Variants in MPP7 observed in about 807,000 individuals in gnomAD.
MPP7 encodes MAGUK p55 subfamily member 7.
MPP7 carries 60 observed loss-of-function variants against 76.5 expected under a neutral mutation model. The observed-to-expected ratio is 0.78, with a 90% CI of 0.64 to 0.97. MPP7 has a LOEUF of 0.97. Ranked by LOEUF, MPP7 falls within the 50% of genes least tolerant of loss-of-function variation. The probability of loss-of-function intolerance (pLI) is 0.00; values close to 1 mark genes in which losing one functional copy is unlikely to be tolerated. For missense variants in MPP7, 641 were observed against 694.0 expected (o/e 0.92, Z 0.86); for synonymous variants, 237 against 244.5 (o/e 0.97, Z 0.29).
At chr10:28,214,166 A>G (rs1838235795) in intron 2 of MPP7, among the ~76,000 whole-genome samples, 1 of 152,222 alleles carries the variant, frequency 6.6e-6, no homozygotes, top group Admixed American at 6.5e-5. Flanking sequence ...TTATGTAATA[A>G]TCTGCTGTAA....
At chr10:28,228,540 C>T (rs530949912) in intron 2 of MPP7, among the ~76,000 whole-genome samples, 15 of 152,056 alleles carry the variant, frequency 9.9e-5, no homozygotes, top group Non-Finnish European at 1.8e-4. Context: ...CCAAGGTGGG[C>T]AAATCACCTG....
chr10:28,324,037 G>A (rs915626130), intron 2 of MPP7, among the ~76,000 whole-genome samples: 35 of 152,216 alleles, frequency 2.3e-4, no homozygotes, highest in African/African-American at 7.7e-4. Context: ...TTATTATGAG[G>A]ACTAAAATGA....
At chr10:28,308,437 A>C (rs1214385488) in intron 2 of MPP7, among the ~76,000 whole-genome samples, 1 of 152,238 alleles carries the variant, frequency 6.6e-6, no homozygotes, top group African/African-American at 2.4e-5. Context: ...GTCTCAAAGA[A>C]GCAGGAGTAA....
chr10:28,088,605 C>T (rs932695466), intron 12 of MPP7, among the ~76,000 whole-genome samples: 1 of 152,124 alleles, frequency 6.6e-6, no homozygotes, highest in South Asian at 2.1e-4. Flanking sequence ...TCATAAATTA[C>T]CCAGTCTCAG....
chr10:28,192,167 A>C (rs1388646532), intron 3 of MPP7, among the ~76,000 whole-genome samples: 2 of 152,210 alleles, frequency 1.3e-5, no homozygotes, highest in Admixed American at 6.5e-5. Context: ...AACTTGATGA[A>C]GAACATGTAT....
chr10:28,245,602 A>C (rs1217230596), intron 1 of MPP7, among the ~76,000 whole-genome samples: 1 of 152,144 alleles, frequency 6.6e-6, no homozygotes, highest in Non-Finnish European at 1.5e-5. Context: ...ATGAAATAAC[A>C]AAAGTAAAAC....
intron 5 of MPP7, among the ~76,000 whole-genome samples, chr10:28,146,152 A>C (rs58193497): frequency 0.037 from 5,678 of 152,330 alleles, 153 homozygotes; most frequent in Middle Eastern, 0.085. Context: ...AATCTTCAGA[A>C]CGTTCTGTGG....
chr10:28,224,157 C>T (rs1241874481), intron 2 of MPP7, among the ~76,000 whole-genome samples: 1 of 151,922 alleles, frequency 6.6e-6, no homozygotes, highest in African/African-American at 2.4e-5. Context: ...TGCACTCCAG[C>T]CTGGGCAATA....
intron 3 of MPP7, among the ~76,000 whole-genome samples, chr10:28,155,420 A>C (rs964713655): frequency 6.6e-6 from 1 of 151,858 alleles, no homozygotes; most frequent in African/African-American, 2.4e-5. Context: ...TGAAACCCCA[A>C]CTCTACAAAA....
chr10:28,091,062 G>A (rs751768878), intron 11 of MPP7, among the ~76,000 whole-genome samples: 4 of 152,070 alleles, frequency 2.6e-5, no homozygotes, highest in African/African-American at 4.8e-5. Context: ...CAGGAGAATC[G>A]CTTGAACTCA....
At chr10:28,306,945 G>C (rs1274510134), upstream of MPP7, among the ~76,000 whole-genome samples, 1 of 152,134 alleles carries the variant, frequency 6.6e-6, no homozygotes, top group African/African-American at 2.4e-5. Context: ...CTATGTCCCA[G>C]TGTCAGAGAA....
chr10:28,094,291 G>GAA lies in MPP7; in HGVS notation c.953-4451_953-4450insTT, dbSNP rs1368577531. On this transcript the variant is annotated intron_variant, in intron 11 of 16. Coordinates refer to ENST00000683449, the MANE Select transcript of MPP7 (RefSeq NM_001318170.2). ...TATTTTACAATGCAAAGGAGCAAAG[G>GAA]CAGTGAGGTCGCAACAGGGGTTCCA... 3.7e-3 allele frequency among the ~76,000 whole-genome samples: 569 copies of GAA among 152,222 alleles called. 1 individual carries two copies. Among genetic ancestry groups the GAA allele is most frequent in the African/African-American group, 0.013 (533 of 41,508 alleles).
chr10:28,297,887 T>C (rs1437868921), intron 1 of MPP7, among the ~76,000 whole-genome samples: 1 of 152,248 alleles, frequency 6.6e-6, no homozygotes, highest in Admixed American at 6.5e-5. Context: ...ATTTCAACAA[T>C]GCTCACAGCA....
At chr10:28,272,081 A>G (rs1283973817) in intron 1 of MPP7, among the ~76,000 whole-genome samples, 1 of 152,220 alleles carries the variant, frequency 6.6e-6, no homozygotes, top group Non-Finnish European at 1.5e-5. Flanking sequence ...AAGGTTCAAT[A>G]TTCTCCTCTG....
At chr10:28,140,345 C>A (rs1182149926) in intron 5 of MPP7, among the ~76,000 whole-genome samples, 1 of 152,066 alleles carries the variant, frequency 6.6e-6, no homozygotes, top group Non-Finnish European at 1.5e-5. Context: ...ACCCCAATCT[C>A]TACTAAAAAC....
chr10:28,138,572 T>G (rs1835418322), intron 5 of MPP7, among the ~76,000 whole-genome samples: 1 of 152,244 alleles, frequency 6.6e-6, no homozygotes, highest in Non-Finnish European at 1.5e-5. Context: ...CAATTCATTC[T>G]GGGTATAATC....
intron 16 of MPP7, 29 bp from the exon 17 acceptor site, chr10:28,054,273 TG>T: frequency 7.1e-7 from 1 of 1,414,910 alleles, no homozygotes; most frequent in South Asian, 1.2e-5. Context: ...AAAAAATAAT[TG>T]GTTAACCAGG....
At chr10:28,328,465 G>T (rs1762172) in intron 2 of MPP7, among the ~76,000 whole-genome samples, 1 of 151,940 alleles carries the variant, frequency 6.6e-6, no homozygotes, top group Non-Finnish European at 1.5e-5. Context: ...ATGAGCTCTG[G>T]TAGAATTCTT....
At chr10:28,091,766 A>G (rs1217867486) in intron 11 of MPP7, among the ~76,000 whole-genome samples, 1 of 152,150 alleles carries the variant, frequency 6.6e-6, no homozygotes, top group Non-Finnish European at 1.5e-5. Context: ...ACATGTATTG[A>G]GTGTTATTTC....
Sources: gnomAD v4.1 joint callset for allele counts (sites outside exome capture counted in the v4.1 genomes callset) on GRCh38, gnomAD v4.1.1 for gene constraint, MANE v1.5 for transcripts, NCBI Gene and HGNC (gene_info 2026-07-23, HGNC 2026-07-21) for gene names.